The following INSRR variants were observed in gnomAD, a reference collection of about 807,000 sequenced individuals.
The protein encoded by INSRR is insulin receptor related receptor.
In INSRR, 114 loss-of-function variants were observed where a neutral mutation model predicts 130.0. That is an observed-to-expected ratio of 0.88 (90% CI 0.75 to 1.02). The LOEUF is 1.02. Ranked by LOEUF, INSRR falls within the 50% of genes least tolerant of loss-of-function variation. The pLI, the probability that INSRR is intolerant of heterozygous loss-of-function variation, is 0.00. For synonymous variants in INSRR, 674 were observed against 705.2 expected (o/e 0.96, Z 0.70); for missense variants, 1,657 against 1,735.2 (o/e 0.95, Z 0.80).
rs529304007 is a variant in INSRR at position 156,854,416 on chromosome 1, C to T, written c.86-113G>A. 23 of 1,147,294 alleles carry T rather than the reference C, an allele frequency of 2.0e-5. No individual in the cohort carries two copies. The highest frequency in any genetic ancestry group is 2.5e-5 in the Non-Finnish European group (21 of 823,946). 71.1% of individuals were successfully genotyped at this position (1,147,294 alleles called of 1,614,324 possible). ...GGCAGTAGGACAATGAGTGAGGAGCCGGGCTCTGCTCTGGGTGTGGGGTGG... is the reference window on the plus strand; with the variant it reads ...GGCAGTAGGACAATGAGTGAGGAGCTGGGCTCTGCTCTGGGTGTGGGGTGG... On this transcript the variant is annotated intron_variant, in intron 1 of 21. Coordinates refer to ENST00000368195, the MANE Select transcript of INSRR (RefSeq NM_014215.3). This position sits in a 1 kb window ranked among gnomAD's most constrained non-coding sequence, Gnocchi z 4.2.
At position 156,840,935 on chromosome 1, in the gene INSRR, C is replaced by G; in HGVS notation, c.3832G>C (p.Glu1278Gln). 6.2e-7 allele frequency: 1 copy of G among 1,614,110 alleles called. No homozygotes were observed. Among genetic ancestry groups the G allele is most frequent in the Non-Finnish European group, 8.5e-7 (1 of 1,179,996 alleles). The change falls in exon 22 of 22, where the codon GAG (glutamate) becomes CAG (glutamine). Residue 1278 changes from glutamate to glutamine, a missense_variant. By Grantham distance (29) the Glu-to-Gln change is conservative (BLOSUM62 2). Transcript: ENST00000368195. ...CTTGGAGTGGGTGAGGAGTCAGGCT[C>G]TGCATCGGTGGTAGGCAGGGAGCCC... ...ARGSLPTTDA[E>Q]PDSSPTPRDC...
intron 8 of INSRR, 35 bp downstream of exon 8, chr1:156,846,484 C>T (rs771276869): frequency 3.9e-5 from 59 of 1,513,586 alleles, no homozygotes; most frequent in South Asian, 2.6e-4. Flanking sequence ...TGGATGCAGG[C>T]GTCTGACTGA....
At chr1:156,857,602 C>T (rs1398540702) in intron 1 of INSRR, among the ~76,000 whole-genome samples, 1 of 152,122 alleles carries the variant, frequency 6.6e-6, no homozygotes, top group Non-Finnish European at 1.5e-5. Context: ...TGGTGCTATG[C>T]CTTACAGACA....
intron 8 of INSRR, 135 bp downstream of exon 8, chr1:156,846,384 G>T: frequency 1.3e-6 from 1 of 791,182 alleles, no homozygotes; most frequent in Non-Finnish European, 2.0e-6. Context: ...TTCTTTCTAG[G>T]ACTCAAGCAT....
In INSRR at chr1:156,853,843, A is replaced by T. The variant is rs1223837141; in HGVS notation, c.546T>A (p.Gly182=). Residue 182 remains glycine, a synonymous_variant, in exon 2 of 22, where the codon GGT becomes GGA. Coordinates refer to ENST00000368195, the MANE Select transcript of INSRR (RefSeq NM_014215.3). ...LGEECADVCP[G]VLGAAGEPCA... The stretch of plus-strand genomic sequence containing the variant: ...AGGGCTCACCAGCAGCACCCAGCAC[A>T]CCAGGGCACACGTCAGCACACTCCT... 1 of 1,613,986 alleles carries T rather than the reference A, an allele frequency of 6.2e-7. No individual in the cohort carries two copies. Among genetic ancestry groups the T allele is most frequent in the South Asian group, 1.1e-5 (1 of 91,082 alleles).
rs1655243084 is a variant in INSRR, at chr1:156,852,256, C to G, written c.638-65G>C. The G allele has an allele frequency of 4.1e-6, 6 of 1,461,086 alleles. No homozygotes were observed. In the East Asian group the frequency reaches 1.4e-4, roughly 34 times the overall value. 90.5% of individuals were successfully genotyped at this position (1,461,086 alleles called of 1,614,324 possible). A position where few individuals can be genotyped will look rare whatever the true frequency, so the allele number is the denominator to read the frequency against. ...CTCAGTCCTGGCTGTCCTTCCAATG[C>G]TGGCCCCACCCTGTTTCTCTTGGGA... On this transcript the variant is annotated intron_variant, in intron 2 of 21. Coordinates refer to ENST00000368195, the MANE Select transcript of INSRR (RefSeq NM_014215.3).
intron 15 of INSRR, 68 bp downstream of exon 15, chr1:156,844,107 C>G (rs909007603): frequency 2.1e-5 from 25 of 1,182,786 alleles, no homozygotes; most frequent in Admixed American, 1.1e-4. Context: ...ATCTACCTCC[C>G]TTTGACAGAC....
intron 15 of INSRR, 150 bp from the exon 16 acceptor site, chr1:156,843,629 T>G: frequency 6.3e-6 from 5 of 788,384 alleles, no homozygotes; most frequent in Non-Finnish European, 1.1e-5. Flanking sequence ...GATCCCTAAG[T>G]ACCCTCCAAG....
rs552325213 is a variant in INSRR, at chr1:156,840,821, C to T, written c.*52G>A. On this transcript the variant is annotated 3_prime_UTR_variant, in exon 22 of 22. Coordinates refer to ENST00000368195, the MANE Select transcript of INSRR (RefSeq NM_014215.3). The stretch of plus-strand genomic sequence containing the variant: ...ATTCAGGCGTCTCAGCCACAGAGGT[C>T]GGGTCCCTTCCTGTCTCCCCATGGG... 8.6e-6 allele frequency: 12 copies of T among 1,389,394 alleles called. No homozygotes were observed. The highest frequency in any genetic ancestry group is 7.1e-5 in the African/African-American group (5 of 70,488). The allele number at this position is 1,389,394 out of a possible 1,614,324, so 86.1% of individuals were successfully genotyped here.
In INSRR at chr1:156,845,750, G is replaced by A. The variant is rs1240402189; in HGVS notation, c.2043C>T (p.Ala681=). The A allele has an allele frequency of 6.2e-7, 1 of 1,613,502 alleles. No individual in the cohort carries two copies. Among genetic ancestry groups the A allele is most frequent in the Admixed American group, 1.7e-5 (1 of 59,986 alleles). ...AAGGGCAGCAGTCGGACTCCATCTC[G>A]GCCTCAGGATCCCCGTCTTCGCCGT... is the stretch of plus-strand genomic sequence containing the variant. ...RFDGEDGDPE[A]EMESDCCPCQ... Residue 681 remains alanine, a synonymous_variant, in exon 10 of 22, where the codon GCC becomes GCT. Transcript: ENST00000368195.
chr1:156,854,392 G>A lies in INSRR; in HGVS notation c.86-89C>T. 1 of 1,312,144 alleles carries A rather than the reference G, an allele frequency of 7.6e-7. No individual in the cohort carries two copies. 81.3% of individuals were successfully genotyped at this position (1,312,144 alleles called of 1,614,324 possible). ...GCAGCTTTGGAGGGGAGCCACACTG[G>A]CAGTAGGACAATGAGTGAGGAGCCG... On this transcript the variant is annotated intron_variant, in intron 1 of 21. Transcript: ENST00000368195. The surrounding 1 kb of genome is among the most constrained non-coding windows in gnomAD (Gnocchi z 4.2).
Position 156,858,715 on chromosome 1 carries a change from G to A in INSRR, c.-94C>T, listed in dbSNP as rs1310578400. 3 of 1,034,260 alleles carry A rather than the reference G, an allele frequency of 2.9e-6. No individual in the cohort carries two copies. The highest frequency in any genetic ancestry group is 3.0e-6 in the Non-Finnish European group (2 of 658,880). The allele number at this position is 1,034,260 out of a possible 1,614,324, so 64.1% of individuals were successfully genotyped here. A position where few individuals can be genotyped will look rare whatever the true frequency, so the allele number is the denominator to read the frequency against. On this transcript the variant is annotated 5_prime_UTR_variant, in exon 1 of 22. Coordinates refer to ENST00000368195, the MANE Select transcript of INSRR (RefSeq NM_014215.3). ...AGCCCTAAGGGACACAGAGACCAGG[G>A]TTCAGATAGGAGAGGGAGGGCAGGG...
chr1:156,848,153 G>T (rs1303779078), intron 7 of INSRR, among the ~76,000 whole-genome samples: 1 of 152,122 alleles, frequency 6.6e-6, no homozygotes, highest in African/African-American at 2.4e-5. Context: ...ACCTAGGAGG[G>T]TCTCGGCCAT....
chr1:156,849,651 T>C (rs928372231), intron 5 of INSRR, among the ~76,000 whole-genome samples, 191 bp from the exon 6 acceptor site: 10 of 152,178 alleles, frequency 6.6e-5, no homozygotes, highest in African/African-American at 2.4e-4. Flanking sequence ...GAGTATGATG[T>C]CTGCCAAGTC....
At chr1:156,851,531 A>G in intron 4 of INSRR, 97 bp from the exon 5 acceptor site, 1 of 1,601,098 alleles carries the variant, frequency 6.2e-7, no homozygotes, top group Non-Finnish European at 8.6e-7. Flanking sequence ...GTGGGCCCTC[A>G]GGACTGGGAC....
Position 156,844,531 on chromosome 1 carries a change from C to T in INSRR, c.2668G>A (p.Val890Ile), listed in dbSNP as rs369340625. The change falls in exon 14 of 22, where the codon GTT becomes ATT. Residue 890 changes from valine (V) to isoleucine (I), a missense_variant. Coordinates refer to ENST00000368195, the MANE Select transcript of INSRR (RefSeq NM_014215.3). ...TTGCCAGCCAGTGAGGTTGCCCTAA[C>T]CCTGGCAGAGTAGTTTCCAGGGGGC... ...LLPPGNYSAR[V>I]RATSLAGNGS... 56 of 1,614,060 alleles carry T rather than the reference C, an allele frequency of 3.5e-5. No homozygotes were observed. Among genetic ancestry groups the T allele is most frequent in the Non-Finnish European group, 4.5e-5 (53 of 1,180,040 alleles).
At chr1:156,845,593 T>A in intron 10 of INSRR, 26 bp downstream of exon 10, 1 of 1,054,830 alleles carries the variant, frequency 9.5e-7, no homozygotes, top group African/African-American at 2.8e-5. Flanking sequence ...CATCAGACCC[T>A]CCCAGGCCGC....
chr1:156,858,700 G>A lies in INSRR; in HGVS notation c.-79C>T. 1.7e-6 allele frequency: 2 copies of A among 1,197,598 alleles called. No homozygotes were observed. The highest frequency in any genetic ancestry group is 2.5e-6 in the Non-Finnish European group (2 of 803,142). 74.2% of individuals were successfully genotyped at this position (1,197,598 alleles called of 1,614,324 possible). A position where few individuals can be genotyped will look rare whatever the true frequency, so the allele number is the denominator to read the frequency against. On this transcript the variant is annotated 5_prime_UTR_variant, in exon 1 of 22. Coordinates refer to ENST00000368195, the MANE Select transcript of INSRR (RefSeq NM_014215.3). Reference sequence around the variant, plus strand: ...GAGAACGGTGTGATAAGCCCTAAGGGACACAGAGACCAGGGTTCAGATAGG... The same window carrying A: ...GAGAACGGTGTGATAAGCCCTAAGGAACACAGAGACCAGGGTTCAGATAGG...
chr1:156,843,494 G>A lies in INSRR; in HGVS notation c.2844-15C>T. 6.2e-7 allele frequency: 1 copy of A among 1,614,042 alleles called. No individual in the cohort carries two copies. The highest frequency in any genetic ancestry group is 8.5e-7 in the Non-Finnish European group (1 of 1,179,860). The stretch of plus-strand genomic sequence containing the variant: ...GGGTTCTGTTTCTGCAACGGGAGGT[G>A]AGGGGGTCAGGCTGGAAGGGTTCTC... On this transcript the variant is annotated splice_polypyrimidine_tract_variant and intron_variant, in intron 15 of 21. Coordinates refer to ENST00000368195, the MANE Select transcript of INSRR (RefSeq NM_014215.3).
Sources: allele counts gnomAD v4.1 joint callset (sites outside exome capture counted in the v4.1 genomes callset), GRCh38; gene constraint gnomAD v4.1.1; non-coding constraint Gnocchi (gnomAD v3.1); transcripts MANE v1.5; gene names NCBI Gene and HGNC (gene_info 2026-07-23, HGNC 2026-07-21).